The following LYZ variants were observed in gnomAD, a reference collection of about 807,000 sequenced individuals.
LYZ encodes lysozyme C.
LYZ carries 18 observed loss-of-function variants against 15.8 expected under a neutral mutation model. The observed-to-expected ratio is 1.14, with a 90% confidence interval of 0.79 to 1.69. The LOEUF (loss-of-function observed/expected upper bound fraction) is 1.69, where lower values mean the gene tolerates loss of function less well. LYZ is among the 40% of genes most tolerant of loss of function. LYZ has a pLI of 0.00. For synonymous variants in LYZ, 60 were observed against 61.7 expected (o/e 0.97, Z 0.13); for missense variants, 139 against 182.8 (o/e 0.76, Z 1.38).
chr12:69,351,782 A>C (rs928027462), intron 2 of LYZ, among the ~76,000 whole-genome samples: 1 of 152,214 alleles, frequency 6.6e-6, no homozygotes, highest in South Asian at 2.1e-4. Context: ...TGAATATTCT[A>C]TAATTTACTG....
Position 69,353,264 on chromosome 12 carries a change from A to G in LYZ, c.*45A>G. The G allele has an allele frequency of 7.1e-7, 1 of 1,405,082 alleles. No homozygotes were observed. The highest frequency in any genetic ancestry group is 1.0e-6 in the Non-Finnish European group (1 of 989,354). 87.0% of individuals were successfully genotyped at this position (1,405,082 alleles called of 1,614,324 possible). Reference sequence around the variant, plus strand: ...CAGCTCATTTTGTCTCTCTCACATTAAGGGAGTAGGAATTAAGTGAAAGGT... The same window carrying G: ...CAGCTCATTTTGTCTCTCTCACATTGAGGGAGTAGGAATTAAGTGAAAGGT... On this transcript the variant is annotated 3_prime_UTR_variant, in exon 4 of 4. Coordinates refer to ENST00000261267, the MANE Select transcript of LYZ (RefSeq NM_000239.3).
At position 69,353,431 on chromosome 12, in the gene LYZ, G is replaced by A. The variant is rs1874888204; in HGVS notation, c.*212G>A. 1 of 599,652 alleles carries A rather than the reference G, an allele frequency of 1.7e-6. No homozygotes were observed. The highest frequency in any genetic ancestry group is 2.9e-5 in the East Asian group (1 of 33,922). 37.1% of individuals were successfully genotyped at this position (599,652 alleles called of 1,614,324 possible). ...TACAACATTTTTCAGTTTGCAAATA[G>A]AACTAATACTGGTGAAAATTTACCT... On this transcript the variant is annotated 3_prime_UTR_variant, in exon 4 of 4. Coordinates refer to ENST00000261267, the MANE Select transcript of LYZ (RefSeq NM_000239.3).
chr12:69,348,441 C>G lies in LYZ; in HGVS notation c.33C>G (p.Leu11=), dbSNP rs1217374202. Residue 11 remains leucine (L), a synonymous_variant, in exon 1 of 4, where the codon CTC becomes CTG. Coordinates refer to ENST00000261267, the MANE Select transcript of LYZ (RefSeq NM_000239.3). The part of the protein sequence containing the change: MKALIVLGLV[L]LSVTVQGKVF... ...CTCTCATTGTTCTGGGGCTTGTCCT[C>G]CTTTCTGTTACGGTCCAGGGCAAGG... is the stretch of plus-strand genomic sequence containing the variant. 1 of 1,614,052 alleles carries G rather than the reference C, an allele frequency of 6.2e-7. No homozygotes were observed. The highest frequency in any genetic ancestry group is 8.5e-7 in the Non-Finnish European group (1 of 1,180,034).
At chr12:69,350,045 T>C (rs1874805138) in intron 1 of LYZ, 63 bp from the exon 2 acceptor site, 1 of 1,382,316 alleles carries the variant, frequency 7.2e-7, no homozygotes. Flanking sequence ...GTAGAACTGA[T>C]TTTGCTATAG....
chr12:69,351,585 G>A (rs1874844602), intron 2 of LYZ, among the ~76,000 whole-genome samples: 1 of 151,948 alleles, frequency 6.6e-6, no homozygotes, highest in Non-Finnish European at 1.5e-5. Context: ...TGTAAATACT[G>A]TGTGCTTTTG....
intron 2 of LYZ, among the ~76,000 whole-genome samples, chr12:69,351,756 C>T: frequency 6.6e-6 from 1 of 152,116 alleles, no homozygotes; most frequent in African/African-American, 2.4e-5. Flanking sequence ...AAAAGAATGA[C>T]TAGAATTTTA....
In LYZ at chr12:69,353,253, T is replaced by G. The variant is rs757542803; in HGVS notation, c.*34T>G. On this transcript the variant is annotated 3_prime_UTR_variant, in exon 4 of 4. Coordinates refer to ENST00000261267, the MANE Select transcript of LYZ (RefSeq NM_000239.3). ...TTTTCCTTCTTCAGCTCATTTTGTCTCTCTCACATTAAGGGAGTAGGAATT... is the reference window on the plus strand; with the variant it reads ...TTTTCCTTCTTCAGCTCATTTTGTCGCTCTCACATTAAGGGAGTAGGAATT... 7 of 1,494,588 alleles carry G rather than the reference T, an allele frequency of 4.7e-6. No individual in the cohort carries two copies. The highest frequency in any genetic ancestry group is 6.5e-6 in the Non-Finnish European group (7 of 1,071,110). 92.6% of individuals were successfully genotyped at this position (1,494,588 alleles called of 1,614,324 possible). A position where few individuals can be genotyped will look rare whatever the true frequency, so the allele number is the denominator to read the frequency against.
Position 69,350,208 on chromosome 12 carries a change from C to A in LYZ, c.237C>A (p.Ser79Arg). 1 of 1,614,062 alleles carries A rather than the reference C, an allele frequency of 6.2e-7. No individual in the cohort carries two copies. Among genetic ancestry groups the A allele is most frequent in the Non-Finnish European group, 8.5e-7 (1 of 1,179,972 alleles). Reference sequence around the variant, plus strand: ...ATTATGGGATATTTCAGATCAATAGCCGCTACTGGTGTAATGATGGCAAAA... The same window carrying A: ...ATTATGGGATATTTCAGATCAATAGACGCTACTGGTGTAATGATGGCAAAA... ...STDYGIFQIN[S>R]RYWCNDGKTP... The change falls in exon 2 of 4, where the codon AGC (serine) becomes AGA (arginine). Residue 79 changes from serine (S) to arginine (R), a missense_variant. Coordinates refer to ENST00000261267, the MANE Select transcript of LYZ (RefSeq NM_000239.3).
At chr12:69,351,259 G>A (rs907720128) in intron 2 of LYZ, among the ~76,000 whole-genome samples, 2 of 151,884 alleles carry the variant, frequency 1.3e-5, no homozygotes, top group African/African-American at 4.8e-5. Context: ...ATACCATGTG[G>A]AATCCTCAGT....
Position 69,352,145 on chromosome 12 carries a change from G to C in LYZ, c.302-75G>C, listed in dbSNP as rs1874855629. On this transcript the variant is annotated intron_variant, in intron 2 of 3. Coordinates refer to ENST00000261267, the MANE Select transcript of LYZ (RefSeq NM_000239.3). ...TTACCATTCTTTCCACAGCCTAACA[G>C]AAAAAAGCTGGCTAAACCTAAATTT... 4.0e-6 allele frequency: 4 copies of C among 992,132 alleles called. No individual in the cohort carries two copies. In the East Asian group the frequency reaches 1.0e-4, roughly 26 times the overall value. 61.5% of individuals were successfully genotyped at this position (992,132 alleles called of 1,614,324 possible). A position where few individuals can be genotyped will look rare whatever the true frequency, so the allele number is the denominator to read the frequency against.
At position 69,353,400 on chromosome 12, in the gene LYZ, T is replaced by C; in HGVS notation, c.*181T>C. 1.5e-6 allele frequency: 1 copy of C among 661,946 alleles called. No homozygotes were observed. The highest frequency in any genetic ancestry group is 2.3e-5 in the Admixed American group (1 of 43,404). The allele number at this position is 661,946 out of a possible 1,614,324, so 41.0% of individuals were successfully genotyped here. A position where few individuals can be genotyped will look rare whatever the true frequency, so the allele number is the denominator to read the frequency against. On this transcript the variant is annotated 3_prime_UTR_variant, in exon 4 of 4. Transcript: ENST00000261267. ...GTTCACTAATGTGGTTATTTTACAT[T>C]AAGCCTACAACATTTTTCAGTTTGC...
chr12:69,351,714 G>A (rs1408268871), intron 2 of LYZ, among the ~76,000 whole-genome samples: 1 of 151,094 alleles, frequency 6.6e-6, no homozygotes, highest in African/African-American at 2.4e-5. Flanking sequence ...TTTTCCAGAT[G>A]AGAAAAAAAT....
chr12:69,348,397 C>T lies in LYZ; in HGVS notation c.-12C>T. The T allele has an allele frequency of 6.2e-7, 1 of 1,614,080 alleles. No individual in the cohort carries two copies. Among genetic ancestry groups the T allele is most frequent in the Non-Finnish European group, 8.5e-7 (1 of 1,180,006 alleles). ...ACCCTGGTCAGCCTAGCACTCTGAC[C>T]TAGCAGTCAACATGAAGGCTCTCAT... On this transcript the variant is annotated 5_prime_UTR_variant, in exon 1 of 4. Transcript: ENST00000261267.
chr12:69,354,121 A>G lies in LYZ; in HGVS notation c.*902A>G, dbSNP rs574722747. On this transcript the variant is annotated 3_prime_UTR_variant, in exon 4 of 4. Coordinates refer to ENST00000261267, the MANE Select transcript of LYZ (RefSeq NM_000239.3). ...TTAATTTAATTCATGTATTATGATTAAATCTGAGGCAGATGAGCTTACAAG... is the reference window on the plus strand; with the variant it reads ...TTAATTTAATTCATGTATTATGATTGAATCTGAGGCAGATGAGCTTACAAG... 1.3e-5 allele frequency: 2 copies of G among 152,358 alleles called. No homozygotes were observed. Among genetic ancestry groups the G allele is most frequent in the East Asian group, 1.9e-4 (1 of 5,190 alleles). The allele number at this position is 152,358 out of a possible 1,614,324, so 9.4% of individuals were successfully genotyped here. A position where few individuals can be genotyped will look rare whatever the true frequency, so the allele number is the denominator to read the frequency against.
rs1592841637 is a variant in LYZ at position 69,354,116 on chromosome 12, T to C, written c.*897T>C. On this transcript the variant is annotated 3_prime_UTR_variant, in exon 4 of 4. Transcript: ENST00000261267. ...TTTGATTAATTTAATTCATGTATTA[T>C]GATTAAATCTGAGGCAGATGAGCTT... The C allele has an allele frequency of 6.6e-6, 1 of 152,364 alleles. No homozygotes were observed. Among genetic ancestry groups the C allele is most frequent in the South Asian group, 2.1e-4 (1 of 4,832 alleles). 9.4% of individuals were successfully genotyped at this position (152,364 alleles called of 1,614,324 possible).
chr12:69,350,634 C>A, intron 2 of LYZ: 2 of 230,130 alleles, frequency 8.7e-6, no homozygotes, highest in South Asian at 1.1e-4. Flanking sequence ...ATGAAATGTT[C>A]TAAATGTATA....
chr12:69,353,285 A>T lies in LYZ; in HGVS notation c.*66A>T, dbSNP rs776141573. ...CATTAAGGGAGTAGGAATTAAGTGA[A>T]AGGTCACACTACCATTATTTCCCCT... On this transcript the variant is annotated 3_prime_UTR_variant, in exon 4 of 4. Coordinates refer to ENST00000261267, the MANE Select transcript of LYZ (RefSeq NM_000239.3). 2 of 1,157,916 alleles carry T rather than the reference A, an allele frequency of 1.7e-6. No homozygotes were observed. Among genetic ancestry groups the T allele is most frequent in the Non-Finnish European group, 2.6e-6 (2 of 763,832 alleles). 71.7% of individuals were successfully genotyped at this position (1,157,916 alleles called of 1,614,324 possible).
intron 1 of LYZ, among the ~76,000 whole-genome samples, 172 bp downstream of exon 1, chr12:69,348,716 G>A (rs557612393): frequency 1.3e-5 from 2 of 152,162 alleles, no homozygotes; most frequent in Non-Finnish European, 2.9e-5. Flanking sequence ...AGAGATACCC[G>A]ATAAAGGAAT....
chr12:69,349,200 A>T (rs1227505666), intron 1 of LYZ, among the ~76,000 whole-genome samples: 1 of 151,998 alleles, frequency 6.6e-6, no homozygotes, highest in Non-Finnish European at 1.5e-5. Context: ...ATGGGGTTTC[A>T]CCATGTTGGC....
Sources: gnomAD v4.1 joint callset for allele counts (sites outside exome capture counted in the v4.1 genomes callset) on GRCh38, gnomAD v4.1.1 for gene constraint, MANE v1.5 for transcripts, NCBI Gene and HGNC (gene_info 2026-07-23, HGNC 2026-07-21) for gene names.